COL16A1: variants seen among roughly 807,000 people sequenced by gnomAD.
COL16A1 encodes collagen alpha-1(XVI) chain.
Under a neutral mutation model 266.3 loss-of-function variants are expected in COL16A1, and 189 were observed. The observed-to-expected ratio is 0.71, with a 90% CI of 0.63 to 0.80. COL16A1 has a LOEUF of 0.80. Among genes scored for constraint, COL16A1 ranks in the 30% least tolerant of loss-of-function variants. COL16A1 has a pLI of 0.00. For synonymous variants in COL16A1, 740 were observed against 782.3 expected (o/e 0.95, Z 0.90); for missense variants, 1,928 against 2,122.4 (o/e 0.91, Z 1.80).
Position 31,685,794 on chromosome 1 carries a change from A to G in COL16A1, c.1885-24T>C. The G allele has an allele frequency of 3.7e-6, 6 of 1,612,362 alleles. No homozygotes were observed. Among genetic ancestry groups the G allele is most frequent in the Non-Finnish European group, 5.1e-6 (6 of 1,178,990 alleles). On this transcript the variant is annotated intron_variant, in intron 28 of 70. Coordinates refer to ENST00000373672, the MANE Select transcript of COL16A1 (RefSeq NM_001856.4). This position sits in a 1 kb window ranked among gnomAD's most constrained non-coding sequence, Gnocchi z 4.0. ...CCCTGCCAAGCAAGGACATTGAGTT[A>G]GGGGGTCCCCCAGGCCCTAGTGCAC...
rs1644658844 is a variant in COL16A1 at position 31,699,926 on chromosome 1, G to A, written c.153C>T (p.Phe51=). ...SSSLPANVTG[F]NLIHRLSLMK... Reference sequence around the variant, plus strand: ...TGAGGCTGAGTCGGTGGATGAGGTTGAAGCCTTTGGGGGAGACATCAGGTG... The same window carrying A: ...TGAGGCTGAGTCGGTGGATGAGGTTAAAGCCTTTGGGGGAGACATCAGGTG... The change falls in exon 4 of 71, where the codon TTC becomes TTT. Residue 51 remains phenylalanine (F), a synonymous_variant. Coordinates refer to ENST00000373672, the MANE Select transcript of COL16A1 (RefSeq NM_001856.4). The A allele has an allele frequency of 6.2e-7, 1 of 1,611,346 alleles. No individual in the cohort carries two copies.
rs534654604 is a variant in COL16A1, at chr1:31,657,377, CTA to C, written c.4021-311_4021-310del. On this transcript the variant is annotated intron_variant, in intron 64 of 70. Transcript: ENST00000373672. The surrounding 1 kb of genome is among the most constrained non-coding windows in gnomAD (Gnocchi z 6.4). Reference sequence around the variant, plus strand: ...CCTTGCACACTCCCTGGCTCTGAATCTATGTTAAACGTTTGCTGAATGAACAC... The same window carrying C: ...CCTTGCACACTCCCTGGCTCTGAATCTGTTAAACGTTTGCTGAATGAACAC... The C allele has an allele frequency of 9.8e-4, 420 of 430,390 alleles. 3 individuals are homozygous for C. The East Asian group carries it at 0.012, about 13-fold the overall frequency. The allele number at this position is 430,390 out of a possible 1,614,324, so 26.7% of individuals were successfully genotyped here. A position where few individuals can be genotyped will look rare whatever the true frequency, so the allele number is the denominator to read the frequency against.
intron 9 of COL16A1, 119 bp from the exon 10 acceptor site, chr1:31,695,906 C>A (rs1319503069): frequency 2.0e-6 from 2 of 1,020,790 alleles, no homozygotes; most frequent in Non-Finnish European, 3.0e-6. Flanking sequence ...CCAGGCACTG[C>A]GTCTGTCTCA....
Position 31,689,742 on chromosome 1 carries a change from C to T in COL16A1, c.1619G>A (p.Arg540Lys), listed in dbSNP as rs1213013840. 1 of 1,613,808 alleles carries T rather than the reference C, an allele frequency of 6.2e-7. No homozygotes were observed. Among genetic ancestry groups the T allele is most frequent in the Non-Finnish European group, 8.5e-7 (1 of 1,179,738 alleles). ...KGEPGDPVPA[R>K]GDPGIQGIKG... is the part of the protein sequence containing the mutation. Reference sequence around the variant, plus strand: ...TCAATGGTCACCCTGGGCACTCACCCTGGCTGGTACAGGATCACCAGGCTC... The same window carrying T: ...TCAATGGTCACCCTGGGCACTCACCTTGGCTGGTACAGGATCACCAGGCTC... Residue 540 changes from arginine (R) to lysine (K), a missense_variant and splice_region_variant, in exon 23 of 71, where the codon AGG becomes AAG. Around this residue, in one of 2 missense-constraint regions of COL16A1, gnomAD observed 1,552 missense variants for 1,637.2 expected, o/e 0.95. Transcript: ENST00000373672.
At chr1:31,684,984 C>G in intron 29 of COL16A1, 128 bp from the exon 30 acceptor site, 1 of 1,556,900 alleles carries the variant, frequency 6.4e-7, no homozygotes, top group Non-Finnish European at 8.7e-7. Flanking sequence ...GCTAGTGAAG[C>G]AATCTTGCCC....
chr1:31,673,547 G>T (rs2148719367), intron 44 of COL16A1, among the ~76,000 whole-genome samples: 1 of 152,358 alleles, frequency 6.6e-6, no homozygotes, highest in Admixed American at 6.5e-5. Flanking sequence ...CACTTTCACT[G>T]CTCACCACCA....
intron 18 of COL16A1, 37 bp downstream of exon 18, chr1:31,691,561 C>G (rs1422998135): frequency 1.2e-6 from 2 of 1,613,900 alleles, no homozygotes; most frequent in African/African-American, 2.7e-5. Flanking sequence ...CCCAGCCCTG[C>G]CACCCCATCT....
rs940497489 is a variant in COL16A1 at position 31,668,750 on chromosome 1, C to T, written c.3249+52G>A. On this transcript the variant is annotated intron_variant, in intron 50 of 70. Coordinates refer to ENST00000373672, the MANE Select transcript of COL16A1 (RefSeq NM_001856.4). This position sits in a 1 kb window ranked among gnomAD's most constrained non-coding sequence, Gnocchi z 5.8. ...CTTCAGAGCTCAAGCTCTGCCTCCC[C>T]AGCTCTTCCTCCCTTTCCAGCCCTT... The T allele has an allele frequency of 3.6e-5, 58 of 1,603,072 alleles. No individual in the cohort carries two copies. The highest frequency in any genetic ancestry group is 2.5e-4 in the Admixed American group (15 of 59,976).
chr1:31,683,730 C>G lies in COL16A1; in HGVS notation c.2356G>C (p.Gly786Arg). ...ACCTGGGGTCCCTGGACTCCCCTTC[C>G]TGGAGGCCCTGGCTCTCCCTGAAGA... ...KGVQGEPGPP[G>R]RGVQGPQGEP... The change falls in exon 34 of 71, where the codon GGA (glycine) becomes CGA (arginine). Residue 786 changes from glycine (G) to arginine (R), a missense_variant. Physicochemically the swap from Gly to Arg is moderately radical, Grantham distance 125 (BLOSUM62 -2). Around this residue, in one of 2 missense-constraint regions of COL16A1, gnomAD observed 1,552 missense variants for 1,637.2 expected, o/e 0.95. Coordinates refer to ENST00000373672, the MANE Select transcript of COL16A1 (RefSeq NM_001856.4). 5.6e-6 allele frequency: 9 copies of G among 1,614,156 alleles called. No homozygotes were observed. Among genetic ancestry groups the G allele is most frequent in the Non-Finnish European group, 6.8e-6 (8 of 1,180,002 alleles).
In COL16A1 at chr1:31,694,131, C is replaced by T. The variant is rs1644394730; in HGVS notation, c.1008+13G>A. 1 of 1,599,986 alleles carries T rather than the reference C, an allele frequency of 6.3e-7. No individual in the cohort carries two copies. Among genetic ancestry groups the T allele is most frequent in the African/African-American group, 1.3e-5 (1 of 74,620 alleles). ...AAGAGGACGGGAATGTCCCGTTCTC[C>T]ATTAGGACTCACCTTGGGGCCAGAG... On this transcript the variant is annotated intron_variant, in intron 12 of 70. Coordinates refer to ENST00000373672, the MANE Select transcript of COL16A1 (RefSeq NM_001856.4).
In COL16A1 at chr1:31,685,959, C is replaced by T; in HGVS notation, c.1884+132G>A. 1 of 1,488,710 alleles carries T rather than the reference C, an allele frequency of 6.7e-7. No homozygotes were observed. Among genetic ancestry groups the T allele is most frequent in the South Asian group, 1.3e-5 (1 of 77,302 alleles). The allele number at this position is 1,488,710 out of a possible 1,614,324, so 92.2% of individuals were successfully genotyped here. On this transcript the variant is annotated intron_variant, in intron 28 of 70. Coordinates refer to ENST00000373672, the MANE Select transcript of COL16A1 (RefSeq NM_001856.4). The surrounding 1 kb of genome is among the most constrained non-coding windows in gnomAD (Gnocchi z 4.0). The stretch of plus-strand genomic sequence containing the variant: ...GTGGAGCTGAGTCATCAGGGGTCTC[C>T]ATGCCTTGCTAAGGAGTCAGACTCT...
Position 31,683,188 on chromosome 1 carries a change from G to C in COL16A1, c.2469+6C>G. ...AGGCCCAATACCCATGGAGGCAGAGGCTCACCTGGGCACCCTTCTCTCCAG... is the reference window on the plus strand; with the variant it reads ...AGGCCCAATACCCATGGAGGCAGAGCCTCACCTGGGCACCCTTCTCTCCAG... On this transcript the variant is annotated splice_donor_region_variant and intron_variant, in intron 36 of 70. Coordinates refer to ENST00000373672, the MANE Select transcript of COL16A1 (RefSeq NM_001856.4). The C allele has an allele frequency of 2.5e-6, 4 of 1,614,114 alleles. No individual in the cohort carries two copies. The highest frequency in any genetic ancestry group is 3.4e-6 in the Non-Finnish European group (4 of 1,180,018).
Position 31,652,867 on chromosome 1 carries a change from G to A in COL16A1, c.4613-14C>T, listed in dbSNP as rs780458686. 12 of 1,473,960 alleles carry A rather than the reference G, an allele frequency of 8.1e-6. No homozygotes were observed. Among genetic ancestry groups the A allele is most frequent in the Non-Finnish European group, 9.9e-6 (11 of 1,112,394 alleles). The allele number at this position is 1,473,960 out of a possible 1,614,324, so 91.3% of individuals were successfully genotyped here. On this transcript the variant is annotated splice_polypyrimidine_tract_variant and intron_variant, in intron 70 of 70. Transcript: ENST00000373672. The surrounding 1 kb of genome is among the most constrained non-coding windows in gnomAD (Gnocchi z 4.8). ...GACCTTGAGGACCTAGGGAGGGAAGGGCCACAGAGGGAAAATCAGAAGACC... is the reference window on the plus strand; with the variant it reads ...GACCTTGAGGACCTAGGGAGGGAAGAGCCACAGAGGGAAAATCAGAAGACC...
chr1:31,663,058 C>T lies in COL16A1; in HGVS notation c.3556-400G>A. On this transcript the variant is annotated intron_variant, in intron 56 of 70. Coordinates refer to ENST00000373672, the MANE Select transcript of COL16A1 (RefSeq NM_001856.4). The surrounding 1 kb of genome is among the most constrained non-coding windows in gnomAD (Gnocchi z 4.9). ...CCCACCTACCTCCCTACCTTTCCCC[C>T]CATCCCAGCAGACATGGGCCCGGGC... The T allele has an allele frequency of 3.7e-6, 1 of 267,612 alleles. No individual in the cohort carries two copies. The highest frequency in any genetic ancestry group is 7.3e-6 in the Non-Finnish European group (1 of 136,688). 16.6% of individuals were successfully genotyped at this position (267,612 alleles called of 1,614,324 possible).
chr1:31,691,438 C>A lies in COL16A1; in HGVS notation c.1377G>T (p.Gly459=). 6.2e-7 allele frequency: 1 copy of A among 1,612,656 alleles called. No homozygotes were observed. The highest frequency in any genetic ancestry group is 8.5e-7 in the Non-Finnish European group (1 of 1,179,178). ...TCACCGGGGTCCCAGGCAGTCCTAT[C>A]CCAGGGGGTCCAGGGAGGCCGGGGG... ...PGPPGLPGPP[G]IGLPGTPGDP... is the part of the protein sequence containing the mutation. The change falls in exon 19 of 71, where the codon GGG becomes GGT. Residue 459 remains glycine (G), a synonymous_variant. Transcript: ENST00000373672.
chr1:31,691,618 T>C lies in COL16A1; in HGVS notation c.1282A>G (p.Ile428Val). 1 of 1,613,692 alleles carries C rather than the reference T, an allele frequency of 6.2e-7. No individual in the cohort carries two copies. The highest frequency in any genetic ancestry group is 8.5e-7 in the Non-Finnish European group (1 of 1,179,944). The change falls in exon 18 of 71, where the codon ATT becomes GTT. Residue 428 changes from isoleucine to valine, a missense_variant. Physicochemically the swap from Ile to Val is conservative, Grantham distance 29. This residue lies in a region of COL16A1 where 1,552 missense variants were observed against 1,637.2 expected (regional missense o/e 0.95). Transcript: ENST00000373672. The part of the protein sequence containing the change: ...RDGRPGEICV[I>V]GPKGQKGDPG... ...CTCACCTTCTGCCCTTTGGGCCCAATGACACAGATCTCTCCTGGCCGGCCC... is the reference window on the plus strand; with the variant it reads ...CTCACCTTCTGCCCTTTGGGCCCAACGACACAGATCTCTCCTGGCCGGCCC...
At position 31,698,534 on chromosome 1, in the gene COL16A1, G is replaced by GT; in HGVS notation, c.338dup (p.His113GlnfsTer101). 6.2e-7 allele frequency: 1 copy of GT among 1,614,146 alleles called. No homozygotes were observed. The highest frequency in any genetic ancestry group is 8.5e-7 in the Non-Finnish European group (1 of 1,180,042). On this transcript the variant is annotated frameshift_variant, in exon 5 of 71. Transcript: ENST00000373672. LOFTEE classifies it high-confidence loss of function. This position sits in a 1 kb window ranked among gnomAD's most constrained non-coding sequence, Gnocchi z 4.1. ...CTTGAAACAGATACCACGTCTTCTGGTGGGTGTGTTTCTTCAGCAGTAGTG... is the reference window on the plus strand; with the variant it reads ...CTTGAAACAGATACCACGTCTTCTGGTTGGGTGTGTTTCTTCAGCAGTAGTG...
At chr1:31,684,681 G>T (rs779954981) in intron 30 of COL16A1, 51 bp from the exon 31 acceptor site, 1 of 1,607,794 alleles carries the variant, frequency 6.2e-7, no homozygotes, top group African/African-American at 1.3e-5. Flanking sequence ...CCGGGGGCAG[G>T]TTGCCCCCCT....
At chr1:31,661,984 G>A (rs1187612643) in intron 58 of COL16A1, among the ~76,000 whole-genome samples, 1 of 152,122 alleles carries the variant, frequency 6.6e-6, no homozygotes, top group African/African-American at 2.4e-5. Context: ...AAAACCCCAG[G>A]AGCCAGGGCT....
Sources: gnomAD v4.1 joint callset for allele counts (sites outside exome capture counted in the v4.1 genomes callset) on GRCh38, gnomAD v4.1.1 for gene constraint, gnomAD v4.1.1 regional missense constraint, Gnocchi (gnomAD v3.1) non-coding constraint, MANE v1.5 for transcripts, NCBI Gene and HGNC (gene_info 2026-07-23, HGNC 2026-07-21) for gene names.